Variants in CORIN observed in about 807,000 individuals in gnomAD.
CORIN encodes the protein corin, serine peptidase, also known as atrial natriuretic peptide-converting enzyme.
Under a neutral mutation model 125.3 loss-of-function variants are expected in CORIN, and 117 were observed. The observed-to-expected ratio is 0.93, with a 90% CI of 0.80 to 1.09. The LOEUF is 1.09. Ranked by LOEUF, CORIN falls within the 50% of genes least tolerant of loss-of-function variation. The pLI is 0.00. For synonymous variants in CORIN, 450 were observed against 466.4 expected, an observed-to-expected ratio of 0.96 and a Z score of 0.45; for missense variants, 1,253 against 1,306.7, an observed-to-expected ratio of 0.96 and a Z score of 0.63.
chr4:47,659,493 G>A (rs1223975455), intron 12 of CORIN, among the ~76,000 whole-genome samples: 2 of 152,126 alleles, frequency 1.3e-5, no homozygotes, highest in African/African-American at 2.4e-5. Flanking sequence ...TTCTATGAAG[G>A]CCCCAAGAAG....
At chr4:47,677,267 C>T (rs75577222) in intron 9 of CORIN, among the ~76,000 whole-genome samples, 1 of 152,164 alleles carries the variant, frequency 6.6e-6, no homozygotes, top group African/African-American at 2.4e-5. Context: ...AGTAGCAGAC[C>T]GAGGCTTGAT....
At chr4:47,758,492 T>A (rs1348453266) in intron 4 of CORIN, among the ~76,000 whole-genome samples, 1 of 152,052 alleles carries the variant, frequency 6.6e-6, no homozygotes, top group Non-Finnish European at 1.5e-5. Context: ...CAAGTTTGCA[T>A]GGAAACACAA....
chr4:47,643,584 C>A (rs1344311976), intron 14 of CORIN, among the ~76,000 whole-genome samples: 1 of 152,104 alleles, frequency 6.6e-6, no homozygotes, highest in East Asian at 1.9e-4. Context: ...ATGAGCAGAG[C>A]ATGAGGGATG....
rs373955478 is a variant in CORIN, at chr4:47,626,474, C to T, written c.2246G>A (p.Arg749Gln). The change falls in exon 17 of 22, where the codon CGG becomes CAG. Residue 749 changes from arginine to glutamine, a missense_variant. Physicochemically the swap from Arg to Gln is conservative, Grantham distance 43. Coordinates refer to ENST00000273857, the MANE Select transcript of CORIN (RefSeq NM_006587.4). Reference protein sequence around the residue: ...KLIQEQEKEPRWLTLHSNWES... With the variant: ...KLIQEQEKEPQWLTLHSNWES... ...CCAGTTGGAGTGTAATGTCAGCCAC[C>T]GCGGCTCTTTCTCCTGTTCCTGTAT... The T allele has an allele frequency of 5.3e-5, 85 of 1,613,878 alleles. No individual in the cohort carries two copies. The African/African-American group carries it at 5.6e-4, about 11-fold the overall frequency.
chr4:47,832,196 T>C (rs1733055047), intron 1 of CORIN, among the ~76,000 whole-genome samples: 1 of 151,894 alleles, frequency 6.6e-6, no homozygotes, highest in African/African-American at 2.4e-5. Flanking sequence ...AAAAGAACAA[T>C]ACATAAGCAA....
chr4:47,715,774 G>T (rs1727062577), intron 5 of CORIN, among the ~76,000 whole-genome samples: 1 of 152,184 alleles, frequency 6.6e-6, no homozygotes. Context: ...ATGGAGGAAG[G>T]TGACCAAATG....
At chr4:47,803,930 A>G (rs4695276) in intron 2 of CORIN, among the ~76,000 whole-genome samples, 129,138 of 152,162 alleles carry the variant, frequency 0.85, 55,160 homozygotes, top group East Asian at 0.98. Flanking sequence ...CCACAGAATG[A>G]GAGAAAATAT....
chr4:47,677,716 G>T (rs977318800), intron 9 of CORIN, among the ~76,000 whole-genome samples: 1 of 152,196 alleles, frequency 6.6e-6, no homozygotes, highest in Non-Finnish European at 1.5e-5. Flanking sequence ...ATGCTGTTCA[G>T]GTGTCTCACC....
intron 5 of CORIN, among the ~76,000 whole-genome samples, chr4:47,737,906 T>G (rs892541576): frequency 6.6e-6 from 1 of 152,146 alleles, no homozygotes; most frequent in Non-Finnish European, 1.5e-5. Flanking sequence ...TTTTCTTGTC[T>G]GTTAGCTCCC....
chr4:47,623,630 G>A lies in CORIN; in HGVS notation c.2481C>T (p.Ile827=). The A allele has an allele frequency of 6.2e-7, 1 of 1,614,204 alleles. No homozygotes were observed. The highest frequency in any genetic ancestry group is 1.1e-5 in the South Asian group (1 of 91,090). The change falls in exon 19 of 22, where the codon ATC becomes ATT. Residue 827 remains isoleucine (I), a synonymous_variant. Transcript: ENST00000273857. ...CSLQSEPSGH[I]CGCVLIAKKW... Reference sequence around the variant, plus strand: ...TCTTGGCAATGAGGACACAGCCACAGATATGTCCACTGGGTTCACTCTGCA... The same window carrying A: ...TCTTGGCAATGAGGACACAGCCACAAATATGTCCACTGGGTTCACTCTGCA...
At chr4:47,697,323 T>C (rs1455268848) in intron 5 of CORIN, among the ~76,000 whole-genome samples, 1 of 152,132 alleles carries the variant, frequency 6.6e-6, no homozygotes, top group Non-Finnish European at 1.5e-5. Flanking sequence ...CCCTGCCTTC[T>C]GAGGAGGTGA....
intron 3 of CORIN, among the ~76,000 whole-genome samples, chr4:47,770,387 G>A (rs190368046): frequency 4.0e-4 from 61 of 152,268 alleles, no homozygotes; most frequent in African/African-American, 1.3e-3. Flanking sequence ...GTGCTGGTGA[G>A]GATGTGGAGA....
Position 47,677,959 on chromosome 4 carries a change from C to G in CORIN, c.1228G>C (p.Asp410His), listed in dbSNP as rs745672240. Residue 410 changes from aspartate to histidine, a missense_variant, in exon 9 of 22, where the codon GAT becomes CAT. Transcript: ENST00000273857. ...DGDEDCKDGS[D>H]EENCSVIQTS... ...TTACTGACGCTGCAGTTCTCCTCAT[C>G]ACTCCCATCCTTGCAGTCCTCGTCA... 2 of 1,613,496 alleles carry G rather than the reference C, an allele frequency of 1.2e-6. No homozygotes were observed. Among genetic ancestry groups the G allele is most frequent in the Non-Finnish European group, 1.7e-6 (2 of 1,179,500 alleles).
chr4:47,605,397 G>T (rs1404727003), intron 19 of CORIN, among the ~76,000 whole-genome samples: 1 of 152,006 alleles, frequency 6.6e-6, no homozygotes, highest in Non-Finnish European at 1.5e-5. Flanking sequence ...GAATGTTTTT[G>T]ACTCTAACCA....
chr4:47,664,986 C>G (rs1231090229), intron 11 of CORIN, 46 bp downstream of exon 11: 7 of 1,359,478 alleles, frequency 5.1e-6, no homozygotes, highest in Non-Finnish European at 7.3e-6. Context: ...CCCCTTGGTT[C>G]TCTCTGAGGC....
chr4:47,694,247 A>G (rs1406676508), intron 5 of CORIN, among the ~76,000 whole-genome samples: 1 of 152,202 alleles, frequency 6.6e-6, no homozygotes, highest in East Asian at 1.9e-4. Context: ...TGGCATCGGG[A>G]GAGGTATATT....
intron 5 of CORIN, among the ~76,000 whole-genome samples, chr4:47,694,040 T>C (rs1179268209): frequency 6.6e-6 from 1 of 152,204 alleles, no homozygotes; most frequent in East Asian, 1.9e-4. Flanking sequence ...CCATCATTGT[T>C]TAAAATGAGG....
intron 6 of CORIN, among the ~76,000 whole-genome samples, chr4:47,690,730 C>A (rs936211587): frequency 6.6e-6 from 1 of 152,152 alleles, no homozygotes; most frequent in African/African-American, 2.4e-5. Context: ...CTGTGGGTTG[C>A]ATTCACTCTG....
intron 8 of CORIN, 185 bp downstream of exon 8, chr4:47,679,956 T>C (rs1725189745): frequency 2.1e-6 from 1 of 472,918 alleles, no homozygotes; most frequent in Non-Finnish European, 3.8e-6. Context: ...GGAAGTCAGA[T>C]ACACTCCATT....
Sources: gnomAD v4.1 joint callset for allele counts (sites outside exome capture counted in the v4.1 genomes callset) on GRCh38, gnomAD v4.1.1 for gene constraint, MANE v1.5 for transcripts, NCBI Gene and HGNC (gene_info 2026-07-23, HGNC 2026-07-21) for gene names.